Variants in MB21D2 observed in about 807,000 individuals in gnomAD.
The protein encoded by MB21D2 is nucleotidyltransferase MB21D2.
In MB21D2, 9 loss-of-function variants were observed where a neutral mutation model predicts 33.3. The ratio of observed to expected loss-of-function variants is 0.27; its 90% CI spans 0.16 to 0.47. The LOEUF (loss-of-function observed/expected upper bound fraction) is 0.47. MB21D2 is among the 20% of genes least tolerant of loss of function. The pLI is 0.99. For synonymous variants in MB21D2, 241 were observed against 236.3 expected, an observed-to-expected ratio of 1.02 and a Z score of -0.18; for missense variants, 540 against 624.6, an observed-to-expected ratio of 0.86 and a Z score of 1.44.
intron 1 of MB21D2, among the ~76,000 whole-genome samples, chr3:192,859,060 G>A (rs1008430176): frequency 8.5e-5 from 13 of 152,088 alleles, no homozygotes; most frequent in African/African-American, 3.1e-4. Context: ...TGGGCTCACA[G>A]AGCAACTTCC....
At chr3:192,867,763 G>A (rs1318581997) in intron 1 of MB21D2, among the ~76,000 whole-genome samples, 1 of 152,180 alleles carries the variant, frequency 6.6e-6, no homozygotes, top group East Asian at 1.9e-4. Flanking sequence ...TAAGAGGGAA[G>A]TGATGGTTTG....
At chr3:192,837,285 G>C (rs1488602966) in intron 1 of MB21D2, among the ~76,000 whole-genome samples, 1 of 152,120 alleles carries the variant, frequency 6.6e-6, no homozygotes, top group Non-Finnish European at 1.5e-5. Context: ...TGTAAACATG[G>C]AGAGACATTC....
At chr3:192,813,090 T>C (rs1046089784) in intron 1 of MB21D2, among the ~76,000 whole-genome samples, 10 of 152,144 alleles carry the variant, frequency 6.6e-5, no homozygotes, top group Admixed American at 3.3e-4. Context: ...CCTATTTACT[T>C]TGAGGTTCCA....
At chr3:192,884,988 C>T (rs113592936) in intron 1 of MB21D2, among the ~76,000 whole-genome samples, 2 of 152,032 alleles carry the variant, frequency 1.3e-5, no homozygotes, top group African/African-American at 4.8e-5. Flanking sequence ...CAATTCAGAC[C>T]CTTAAAAGAT....
In MB21D2 at chr3:192,800,371, C is replaced by T. The variant is rs148153529; in HGVS notation, c.212-721G>A. Among the ~76,000 whole-genome samples the T allele has an allele frequency of 9.0e-4, 137 of 152,242 alleles. 4 individuals carry two copies. The East Asian group carries it at 0.018, about 20-fold the overall frequency. ...CTGGGATTACAGGCATGAGCTACCA[C>T]GCCCAGTCTTGTCTGACTTTTTTAC... On this transcript the variant is annotated intron_variant, in intron 1 of 1. Coordinates refer to ENST00000392452, the MANE Select transcript of MB21D2 (RefSeq NM_178496.4).
chr3:192,876,239 C>T (rs777531967), intron 1 of MB21D2, among the ~76,000 whole-genome samples: 10 of 152,192 alleles, frequency 6.6e-5, no homozygotes, highest in Non-Finnish European at 1.2e-4. Flanking sequence ...CTTTGGCTCT[C>T]TGTAGTCCTT....
chr3:192,829,747 G>A (rs1444076341), intron 1 of MB21D2, among the ~76,000 whole-genome samples: 1 of 152,074 alleles, frequency 6.6e-6, no homozygotes, highest in Non-Finnish European at 1.5e-5. Flanking sequence ...TAAATATTGA[G>A]ACAGGATCTC....
chr3:192,808,041 A>G (rs1711704283), intron 1 of MB21D2, among the ~76,000 whole-genome samples: 1 of 152,126 alleles, frequency 6.6e-6, no homozygotes, highest in Non-Finnish European at 1.5e-5. Flanking sequence ...TCTAGAAGGA[A>G]CTTCACAGTC....
At chr3:192,871,812 G>A (rs540183037) in intron 1 of MB21D2, among the ~76,000 whole-genome samples, 36 of 152,138 alleles carry the variant, frequency 2.4e-4, no homozygotes, top group African/African-American at 8.4e-4. Context: ...AGAGGGGAGT[G>A]ACATGATGGG....
chr3:192,883,980 G>A (rs1442002931), intron 1 of MB21D2, among the ~76,000 whole-genome samples: 1 of 152,088 alleles, frequency 6.6e-6, no homozygotes, highest in Non-Finnish European at 1.5e-5. Flanking sequence ...TCTCAAGCTT[G>A]ATCTGTTTCT....
chr3:192,870,453 G>A (rs144114793), intron 1 of MB21D2, among the ~76,000 whole-genome samples: 3,412 of 152,180 alleles, frequency 0.022, 147 homozygotes, highest in East Asian at 0.15. Context: ...CACTTTGGGA[G>A]GCCGAGGTGG....
At position 192,799,071 on chromosome 3, in the gene MB21D2, T is replaced by G. The variant is rs1398738308; in HGVS notation, c.791A>C (p.Glu264Ala). The G allele has an allele frequency of 6.2e-7, 1 of 1,614,046 alleles. No individual in the cohort carries two copies. Among genetic ancestry groups the G allele is most frequent in the South Asian group, 1.1e-5 (1 of 91,068 alleles). The stretch of plus-strand genomic sequence containing the variant: ...GTAAAACCCACTGATGACCTCTTCC[T>G]CAGTAATCTTCCCATCCCAAAAGTG... ...ENHFWDGKIT[E>A]EEVISGFYLV... Residue 264 changes from glutamate (E) to alanine (A), a missense_variant, in exon 2 of 2, where the codon GAG becomes GCG. By Grantham distance (107) the Glu-to-Ala change is moderately radical. Coordinates refer to ENST00000392452, the MANE Select transcript of MB21D2 (RefSeq NM_178496.4). This position sits in a 1 kb window ranked among gnomAD's most constrained non-coding sequence, Gnocchi z 4.1.
At chr3:192,834,340 A>C (rs534477324) in intron 1 of MB21D2, among the ~76,000 whole-genome samples, 32 of 151,736 alleles carry the variant, frequency 2.1e-4, no homozygotes, top group Admixed American at 2.1e-3. Flanking sequence ...CAAACAAAAC[A>C]AAACAAACAA....
At chr3:192,867,768 G>A (rs1713200887) in intron 1 of MB21D2, among the ~76,000 whole-genome samples, 1 of 152,130 alleles carries the variant, frequency 6.6e-6, no homozygotes, top group African/African-American at 2.4e-5. Flanking sequence ...GGGAAGTGAT[G>A]GTTTGCTAGT....
At chr3:192,834,872 C>T (rs1261387499) in intron 1 of MB21D2, among the ~76,000 whole-genome samples, 6 of 146,286 alleles carry the variant, frequency 4.1e-5, no homozygotes, top group African/African-American at 1.3e-4. Context: ...TGCAGTGGCA[C>T]GATCTCAGCT....
At position 192,828,806 on chromosome 3, in the gene MB21D2, A is replaced by G. The variant is rs548320303; in HGVS notation, c.212-29156T>C. 2.3e-3 allele frequency among the ~76,000 whole-genome samples: 347 copies of G among 149,566 alleles called. 4 individuals are homozygous for G. Among genetic ancestry groups the G allele is most frequent in the African/African-American group, 7.3e-3 (295 of 40,670 alleles). ...TAGGACTACAGGCGCCCGCCATCACACCCGGCTAATTTTTTTGTATTTTTT... is the reference window on the plus strand; with the variant it reads ...TAGGACTACAGGCGCCCGCCATCACGCCCGGCTAATTTTTTTGTATTTTTT... On this transcript the variant is annotated intron_variant, in intron 1 of 1. Coordinates refer to ENST00000392452, the MANE Select transcript of MB21D2 (RefSeq NM_178496.4).
intron 1 of MB21D2, among the ~76,000 whole-genome samples, chr3:192,856,431 G>A (rs528613042): frequency 1.2e-4 from 18 of 152,280 alleles, no homozygotes; most frequent in South Asian, 8.3e-4. Flanking sequence ...ATAAGGAAAC[G>A]GGAAATTAGG....
At chr3:192,812,583 A>G in intron 1 of MB21D2, among the ~76,000 whole-genome samples, 1 of 152,030 alleles carries the variant, frequency 6.6e-6, no homozygotes, top group East Asian at 1.9e-4. Context: ...ATGATGAAAG[A>G]CTCCAGATCC....
At chr3:192,809,705 T>C (rs990636267) in intron 1 of MB21D2, among the ~76,000 whole-genome samples, 1 of 152,210 alleles carries the variant, frequency 6.6e-6, no homozygotes, top group African/African-American at 2.4e-5. Context: ...GGGAATAAAG[T>C]ATATGAGCAA....
Sources: allele counts gnomAD v4.1 joint callset (sites outside exome capture counted in the v4.1 genomes callset), GRCh38; gene constraint gnomAD v4.1.1; non-coding constraint Gnocchi (gnomAD v3.1); transcripts MANE v1.5; gene names NCBI Gene and HGNC (gene_info 2026-07-23, HGNC 2026-07-21).